Variants in DNAH17 observed in about 807,000 individuals in gnomAD.
The protein encoded by DNAH17 is axonemal beta dynein heavy chain 17.
In DNAH17, 376 loss-of-function variants were observed where a neutral mutation model predicts 485.6. The observed-to-expected ratio is 0.77, with a 90% confidence interval of 0.71 to 0.84. DNAH17 has a LOEUF of 0.84. DNAH17 is among the 40% of genes least tolerant of loss of function. The pLI is 0.00. For missense variants in DNAH17, 6,370 were observed against 5,839.3 expected, an observed-to-expected ratio of 1.09 and a Z score of -2.96; for synonymous variants, 3,031 against 2,405.9, an observed-to-expected ratio of 1.26 and a Z score of -7.60.
At chr17:78,449,796 C>T (rs2087468823) in intron 68 of DNAH17, 2 of 543,074 alleles carry the variant, frequency 3.7e-6, no homozygotes, top group African/African-American at 3.8e-5. Flanking sequence ...TCAAGCGATT[C>T]TCCTGCCTCA....
At chr17:78,455,911 C>T (rs1321919151) in intron 62 of DNAH17, 75 bp from the exon 63 acceptor site, 14 of 1,256,430 alleles carry the variant, frequency 1.1e-5, no homozygotes, top group Middle Eastern at 2.1e-4. Flanking sequence ...TCCACCTCTG[C>T]ACCTCTGTGA....
In DNAH17 at chr17:78,494,787, A is replaced by T. The variant is rs746616999; in HGVS notation, c.6076T>A (p.Ser2026Thr). 6.2e-7 allele frequency: 1 copy of T among 1,612,064 alleles called. No individual in the cohort carries two copies. The highest frequency in any genetic ancestry group is 1.1e-5 in the South Asian group (1 of 90,990). Residue 2026 changes from serine to threonine, a missense_variant, in exon 40 of 81, where the codon TCT (serine) becomes ACT (threonine). By Grantham distance (58) the Ser-to-Thr change is moderately conservative. Transcript: ENST00000389840. The part of the protein sequence containing the change: ...HYDWGLRAIK[S>T]VLVVAGSLKR... ...AGGGAGCCGGCCACCACCAGCACAG[A>T]CTTGATGGCTCTCAGGCCCCAGTCG...
At chr17:78,450,623 C>T (rs2087505893) in intron 67 of DNAH17, 59 bp downstream of exon 67, 11 of 1,568,140 alleles carry the variant, frequency 7.0e-6, no homozygotes, top group Non-Finnish European at 9.5e-6. Flanking sequence ...GCGCCGATCG[C>T]CCGTGGCCCA....
intron 67 of DNAH17, 21 bp from the exon 68 acceptor site, chr17:78,450,415 T>C (rs764242974): frequency 1.2e-6 from 2 of 1,612,828 alleles, no homozygotes; most frequent in Non-Finnish European, 1.7e-6. Flanking sequence ...ACAAAAGGGG[T>C]GTGAATGACA....
chr17:78,543,671 C>G, intron 17 of DNAH17, 186 bp downstream of exon 17: 1 of 838,526 alleles, frequency 1.2e-6, no homozygotes, highest in Non-Finnish European at 1.9e-6. Flanking sequence ...GTGATCCGCC[C>G]GACTCAGCCT....
chr17:78,449,295 G>T (rs758224712), intron 69 of DNAH17, 119 bp downstream of exon 69: 7 of 1,053,126 alleles, frequency 6.6e-6, no homozygotes, highest in Non-Finnish European at 6.9e-6. Flanking sequence ...CTAAAATGCG[G>T]GTTTGAAATC....
chr17:78,480,013 CTTTTTTTTT>C (rs370344478), intron 49 of DNAH17, among the ~76,000 whole-genome samples: 24 of 70,532 alleles, frequency 3.4e-4, no homozygotes, highest in African/African-American at 9.7e-4. Flanking sequence ...ACAACAAGTA[CTTTTTTTTT>C]TTTTTTTTTT....
Position 78,561,890 on chromosome 17 carries a change from C to A in DNAH17, c.1660G>T (p.Ala554Ser). The A allele has an allele frequency of 6.2e-7, 1 of 1,613,852 alleles. No homozygotes were observed. The highest frequency in any genetic ancestry group is 8.5e-7 in the Non-Finnish European group (1 of 1,179,836). ...AAGATCTTAGCATTGTCTAGCTCAG[C>A]GTCAAACAGCTCCAGCATGACTGAA... ...RYSVMLELFD[A>S]ELDNAKILYD... The change falls in exon 12 of 81, where the codon GCT becomes TCT. Residue 554 changes from alanine (A) to serine (S), a missense_variant. By Grantham distance (99) the Ala-to-Ser change is moderately conservative (BLOSUM62 1). Coordinates refer to ENST00000389840, the MANE Select transcript of DNAH17 (RefSeq NM_173628.4).
At chr17:78,565,380 T>A (rs2092246235) in intron 11 of DNAH17, among the ~76,000 whole-genome samples, 2 of 152,248 alleles carry the variant, frequency 1.3e-5, no homozygotes, top group African/African-American at 4.8e-5. Context: ...ATCCTTAATT[T>A]GCGGAGCTTC....
chr17:78,520,928 G>C (rs959632371), intron 25 of DNAH17, among the ~76,000 whole-genome samples: 1 of 152,032 alleles, frequency 6.6e-6, no homozygotes, highest in Non-Finnish European at 1.5e-5. Context: ...AACCAATCTT[G>C]ACAAAAAAGG....
Position 78,459,963 on chromosome 17 carries a change from C to T in DNAH17, c.9474G>A (p.Pro3158=), listed in dbSNP as rs111508302. 60 of 1,613,398 alleles carry T rather than the reference C, an allele frequency of 3.7e-5. No individual in the cohort carries two copies. Among genetic ancestry groups the T allele is most frequent in the African/African-American group, 6.7e-5 (5 of 75,030 alleles). Residue 3158 remains proline (P), a synonymous_variant, in exon 60 of 81, where the codon CCG becomes CCA. Coordinates refer to ENST00000389840, the MANE Select transcript of DNAH17 (RefSeq NM_173628.4). ...LTELKSFGSP[P]DAVVNVTAAV... ...CGGCGGTGACGTTGACCACAGCATC[C>T]GGCGGGGACCCAAAGGACTTCAGCT...
rs771752094 is a variant in DNAH17 at position 78,466,773 on chromosome 17, C to T, written c.8822G>A (p.Arg2941Gln). ...FSPVGSVLRV[R>Q]ARKFPAVVNC... ...GACCACAGCTGGGAACTTTCTGGCT[C>T]GTACCCGCAGCACGGAGCCCACAGG... The change falls in exon 56 of 81, where the codon CGA (arginine) becomes CAA (glutamine). Residue 2941 changes from arginine (R) to glutamine (Q), a missense_variant. By Grantham distance (43) the Arg-to-Gln change is conservative. Transcript: ENST00000389840. 7.5e-6 allele frequency: 12 copies of T among 1,607,806 alleles called. No homozygotes were observed. Among genetic ancestry groups the T allele is most frequent in the African/African-American group, 2.7e-5 (2 of 74,482 alleles).
At chr17:78,527,067 T>C in intron 22 of DNAH17, 71 bp from the exon 23 acceptor site, 1 of 1,309,422 alleles carries the variant, frequency 7.6e-7, no homozygotes, top group Non-Finnish European at 1.0e-6. Context: ...GTGAAATAAT[T>C]AGAGACTGGT....
intron 17 of DNAH17, among the ~76,000 whole-genome samples, chr17:78,543,250 G>A (rs2091651217): frequency 6.6e-6 from 1 of 152,006 alleles, no homozygotes; most frequent in Non-Finnish European, 1.5e-5. Context: ...GAGTAGCTGG[G>A]ATTACAGGCA....
intron 72 of DNAH17, 148 bp downstream of exon 72, chr17:78,440,903 T>A (rs575824662): frequency 2.0e-6 from 2 of 981,148 alleles, no homozygotes; most frequent in Non-Finnish European, 3.0e-6. Context: ...GTTATTTTCC[T>A]GTTCTTGATC....
At chr17:78,436,416 G>A (rs1316904569) in intron 74 of DNAH17, among the ~76,000 whole-genome samples, 3 of 151,134 alleles carry the variant, frequency 2.0e-5, no homozygotes, top group East Asian at 2.0e-4. Flanking sequence ...CAATAAGAGC[G>A]AAACTCCATC....
intron 74 of DNAH17, among the ~76,000 whole-genome samples, chr17:78,435,586 CCT>C (rs1568047017): frequency 6.6e-6 from 1 of 152,188 alleles, no homozygotes; most frequent in Non-Finnish European, 1.5e-5. Context: ...TGCCCCGATC[CCT>C]GTCTGTCGCT....
At chr17:78,539,244 AT>A (rs1344147758) in intron 18 of DNAH17, among the ~76,000 whole-genome samples, 2 of 152,196 alleles carry the variant, frequency 1.3e-5, no homozygotes, top group African/African-American at 4.8e-5. Context: ...AAATAAAAAA[AT>A]AAAATAAAAA....
intron 77 of DNAH17, chr17:78,428,300 T>G (rs691680): frequency 0.15 from 88,214 of 591,624 alleles, 7,403 homozygotes; most frequent in Middle Eastern, 0.21. Context: ...GGATCCCTTT[T>G]GTCTGGGCCC....
Sources: allele counts gnomAD v4.1 joint callset (sites outside exome capture counted in the v4.1 genomes callset), GRCh38; gene constraint gnomAD v4.1.1; transcripts MANE v1.5; gene names NCBI Gene and HGNC (gene_info 2026-07-23, HGNC 2026-07-21).